Variants in SLC9A4 observed in about 807,000 individuals in gnomAD.
SLC9A4 encodes sodium/hydrogen exchanger 4.
In SLC9A4, 63 loss-of-function variants were observed where a neutral mutation model predicts 67.4. The observed-to-expected ratio is 0.93, with a 90% CI of 0.76 to 1.15. The LOEUF (loss-of-function observed/expected upper bound fraction) is 1.15. Among genes scored for constraint, SLC9A4 ranks in the 50% most tolerant of loss-of-function variants. The pLI is 0.00. For missense variants in SLC9A4, 1,089 were observed against 987.7 expected (o/e 1.10, Z -1.38); for synonymous variants, 393 against 367.2 (o/e 1.07, Z -0.80).
rs571000967 is a variant in SLC9A4 at position 102,533,130 on chromosome 2, T to C, written c.*442T>C. ...TGTGTTTACAGACAAGGACATGTAGTCCAAGGTTGCATGGTGAGTTCACAG... is the reference window on the plus strand; with the variant it reads ...TGTGTTTACAGACAAGGACATGTAGCCCAAGGTTGCATGGTGAGTTCACAG... On this transcript the variant is annotated 3_prime_UTR_variant, in exon 12 of 12. Coordinates refer to ENST00000295269, the MANE Select transcript of SLC9A4 (RefSeq NM_001011552.4). The C allele has an allele frequency of 2.5e-5, 4 of 158,040 alleles. No individual in the cohort carries two copies. Among genetic ancestry groups the C allele is most frequent in the Non-Finnish European group, 4.2e-5 (3 of 71,068 alleles). 9.8% of individuals were successfully genotyped at this position (158,040 alleles called of 1,614,324 possible).
chr2:102,490,680 C>A (rs1032115175), intron 2 of SLC9A4, among the ~76,000 whole-genome samples: 3 of 152,114 alleles, frequency 2.0e-5, no homozygotes, highest in African/African-American at 4.8e-5. Flanking sequence ...ATAATAAGTG[C>A]TTTATGATGA....
At position 102,508,819 on chromosome 2, in the gene SLC9A4, A is replaced by G. The variant is rs187650641; in HGVS notation, c.1402-28A>G. On this transcript the variant is annotated intron_variant, in intron 5 of 11. Transcript: ENST00000295269. ...TAGTGACAGTCTTCATTACAACAAAACCCTTTGTTTTGTTATTTCTGATCT... is the reference window on the plus strand; with the variant it reads ...TAGTGACAGTCTTCATTACAACAAAGCCCTTTGTTTTGTTATTTCTGATCT... 4 of 1,579,224 alleles carry G rather than the reference A, an allele frequency of 2.5e-6. No individual in the cohort carries two copies. The African/African-American group carries it at 5.5e-5, about 22-fold the overall frequency.
At chr2:102,491,315 T>C (rs769787111) in intron 2 of SLC9A4, among the ~76,000 whole-genome samples, 7 of 121,622 alleles carry the variant, frequency 5.8e-5, no homozygotes, top group Non-Finnish European at 1.0e-4. Context: ...TTTGTACTAA[T>C]GCTTTTTTTT....
intron 2 of SLC9A4, among the ~76,000 whole-genome samples, chr2:102,503,058 C>G (rs1396445316): frequency 6.6e-6 from 1 of 152,238 alleles, no homozygotes; most frequent in African/African-American, 2.4e-5. Flanking sequence ...AATGTCCTTT[C>G]TAGGCCCTCT....
intron 2 of SLC9A4, among the ~76,000 whole-genome samples, chr2:102,491,716 C>A (rs1355674638): frequency 6.6e-6 from 1 of 152,134 alleles, no homozygotes; most frequent in Non-Finnish European, 1.5e-5. Context: ...TGTCCCCTCC[C>A]AAATCTCATG....
chr2:102,505,688 G>C (rs1281497676), intron 4 of SLC9A4: 6 of 482,372 alleles, frequency 1.2e-5, no homozygotes, highest in African/African-American at 1.9e-5. Context: ...ATTGAAGCAA[G>C]GCTGGGGCAA....
rs140788181 is a variant in SLC9A4, at chr2:102,503,828, A to G, written c.980+121A>G. On this transcript the variant is annotated intron_variant, in intron 3 of 11. Coordinates refer to ENST00000295269, the MANE Select transcript of SLC9A4 (RefSeq NM_001011552.4). ...ACGCTAACCCTCCAACATGTTGCAGATTTAGGATCTTCTAAACTTTTATGA... is the reference window on the plus strand; with the variant it reads ...ACGCTAACCCTCCAACATGTTGCAGGTTTAGGATCTTCTAAACTTTTATGA... 647 of 1,351,058 alleles carry G rather than the reference A, an allele frequency of 4.8e-4. 3 individuals are homozygous for G. In the African/African-American group the frequency reaches 8.4e-3, roughly 18 times the overall value. 83.7% of individuals were successfully genotyped at this position (1,351,058 alleles called of 1,614,324 possible). A position where few individuals can be genotyped will look rare whatever the true frequency, so the allele number is the denominator to read the frequency against.
intron 2 of SLC9A4, among the ~76,000 whole-genome samples, chr2:102,498,727 G>A (rs569599970): frequency 6.6e-6 from 1 of 152,220 alleles, no homozygotes; most frequent in African/African-American, 2.4e-5. Flanking sequence ...AGATTCTTTT[G>A]GATTCATTCA....
chr2:102,519,936 T>C lies in SLC9A4; in HGVS notation c.1799T>C (p.Met600Thr), dbSNP rs770402575. Residue 600 changes from methionine to threonine, a missense_variant, in exon 9 of 12, where the codon ATG (methionine) becomes ACG (threonine). Met to Thr is a moderately conservative substitution (Grantham distance 81). Transcript: ENST00000295269. Reference sequence around the variant, plus strand: ...ATAAGGGACATTCTGACATCCAACATGTACCAAGTTCGGCAAAGGGTGTGT... The same window carrying C: ...ATAAGGGACATTCTGACATCCAACACGTACCAAGTTCGGCAAAGGGTGTGT... Reference protein sequence around the residue: ...ESIRDILTSNMYQVRQRTLSY... With the variant: ...ESIRDILTSNTYQVRQRTLSY... The C allele has an allele frequency of 2.5e-6, 4 of 1,613,622 alleles. No individual in the cohort carries two copies. The South Asian group carries it at 4.4e-5, about 18-fold the overall frequency.
intron 10 of SLC9A4, 116 bp from the exon 11 acceptor site, chr2:102,526,143 C>A: frequency 2.8e-6 from 3 of 1,057,654 alleles, no homozygotes; most frequent in South Asian, 2.7e-5. Flanking sequence ...CCTCTTCTGC[C>A]TCCCAAAGTG....
intron 11 of SLC9A4, 121 bp downstream of exon 11, chr2:102,526,467 A>G: frequency 2.5e-6 from 2 of 787,540 alleles, no homozygotes; most frequent in Non-Finnish European, 3.9e-6. Flanking sequence ...GATAAGAAAA[A>G]GAAGAAAACA....
intron 11 of SLC9A4, 37 bp downstream of exon 11, chr2:102,526,383 TAG>T: frequency 6.3e-7 from 1 of 1,593,052 alleles, no homozygotes; most frequent in Non-Finnish European, 8.6e-7. Flanking sequence ...TGCTTTTCTG[TAG>T]AGTCAGGTGG....
intron 6 of SLC9A4, among the ~76,000 whole-genome samples, chr2:102,511,751 T>G (rs1293382211): frequency 1.3e-5 from 2 of 151,952 alleles, no homozygotes; most frequent in Non-Finnish European, 2.9e-5. Context: ...ATTAACAGAA[T>G]TATATTTTCA....
intron 11 of SLC9A4, among the ~76,000 whole-genome samples, chr2:102,530,907 A>G (rs1339752755): frequency 6.6e-6 from 1 of 152,176 alleles, no homozygotes; most frequent in Non-Finnish European, 1.5e-5. Context: ...AGGATATTTT[A>G]AGATTTTCAG....
chr2:102,518,399 A>C (rs938663461), intron 8 of SLC9A4, among the ~76,000 whole-genome samples: 5 of 152,218 alleles, frequency 3.3e-5, no homozygotes, highest in Admixed American at 3.3e-4. Context: ...AGATTGTGGA[A>C]GTGTGTGGGC....
Position 102,479,137 on chromosome 2 carries a change from C to G in SLC9A4, c.555C>G (p.Ala185=). 6.2e-7 allele frequency: 1 copy of G among 1,614,190 alleles called. No individual in the cohort carries two copies. The highest frequency in any genetic ancestry group is 8.5e-7 in the Non-Finnish European group (1 of 1,180,022). Residue 185 remains alanine, a synonymous_variant, in exon 2 of 12, where the codon GCC becomes GCG. Coordinates refer to ENST00000295269, the MANE Select transcript of SLC9A4 (RefSeq NM_001011552.4). The stretch of plus-strand genomic sequence containing the variant: ...TCTACCTCATCTGCCAGGTGAAGGC[C>G]TTTGGCCTGGGCGACGTCAACCTGC... ...LSLYLICQVK[A]FGLGDVNLLQ... is the part of the protein sequence containing the mutation.
chr2:102,489,424 C>T (rs1023485230), intron 2 of SLC9A4, among the ~76,000 whole-genome samples: 4 of 152,174 alleles, frequency 2.6e-5, no homozygotes, highest in Non-Finnish European at 4.4e-5. Flanking sequence ...AGAGCTCAAA[C>T]AAGATGCATG....
chr2:102,474,009 A>G lies in SLC9A4; in HGVS notation c.250A>G (p.Lys84Glu). 1 of 1,613,048 alleles carries G rather than the reference A, an allele frequency of 6.2e-7. No homozygotes were observed. Among genetic ancestry groups the G allele is most frequent in the Non-Finnish European group, 8.5e-7 (1 of 1,179,244 alleles). Residue 84 changes from lysine to glutamate, a missense_variant, in exon 1 of 12, where the codon AAA becomes GAA. Transcript: ENST00000295269. ...CTGGATACTTCTAGCATCCCTTGCA[A>G]AAATAGGTAAGTCCTTAAACACCTG... ...TLWILLASLA[K>E]IGFHLYHRLP...
chr2:102,514,720 T>C (rs986653640), intron 8 of SLC9A4, among the ~76,000 whole-genome samples: 4 of 152,178 alleles, frequency 2.6e-5, no homozygotes, highest in African/African-American at 4.8e-5. Flanking sequence ...GGTGTGGTCA[T>C]TGGTGGTCTA....
Sources: allele counts gnomAD v4.1 joint callset (sites outside exome capture counted in the v4.1 genomes callset), GRCh38; gene constraint gnomAD v4.1.1; transcripts MANE v1.5; gene names NCBI Gene and HGNC (gene_info 2026-07-23, HGNC 2026-07-21).